The following ABCA4 variants were observed in gnomAD, a reference collection of about 807,000 sequenced individuals.
The protein encoded by ABCA4 is ATP binding cassette subfamily A member 4, also known as retinal-specific phospholipid-transporting ATPase ABCA4.
Under a neutral mutation model 263.7 loss-of-function variants are expected in ABCA4, and 196 were observed. The observed-to-expected ratio is 0.74, with a 90% confidence interval of 0.66 to 0.84. The LOEUF is 0.84. Among genes scored for constraint, ABCA4 ranks in the 40% least tolerant of loss-of-function variants. The pLI is 0.00. For missense variants in ABCA4, 2,792 were observed against 2,855.1 expected, an observed-to-expected ratio of 0.98 and a Z score of 0.50; for synonymous variants, 1,133 against 1,094.2, an observed-to-expected ratio of 1.04 and a Z score of -0.70.
At chr1:94,088,681 G>C (rs1434449934) in intron 6 of ABCA4, among the ~76,000 whole-genome samples, 1 of 152,332 alleles carries the variant, frequency 6.6e-6, no homozygotes, top group East Asian at 1.9e-4. Context: ...TGCTGGGAAT[G>C]AGTGTGGGGT....
At chr1:94,041,738 TG>T (rs1382149718) in intron 22 of ABCA4, among the ~76,000 whole-genome samples, 1 of 152,194 alleles carries the variant, frequency 6.6e-6, no homozygotes, top group Non-Finnish European at 1.5e-5. Flanking sequence ...CATTAAGCTC[TG>T]GATTTATACT....
intron 20 of ABCA4, 57 bp downstream of exon 20, chr1:94,044,556 G>A: frequency 6.2e-7 from 1 of 1,613,800 alleles, no homozygotes; most frequent in South Asian, 1.1e-5. Context: ...AGAGAAGTGT[G>A]CTGGGGGCAG....
At chr1:93,994,812 G>A (rs1412215602) in intron 49 of ABCA4, among the ~76,000 whole-genome samples, 1 of 152,166 alleles carries the variant, frequency 6.6e-6, no homozygotes, top group Admixed American at 6.5e-5. Context: ...AACTGCTGTA[G>A]ATCACAGAAC....
chr1:94,001,265 G>C (rs1376220731), intron 45 of ABCA4, among the ~76,000 whole-genome samples, 160 bp from the exon 46 acceptor site: 1 of 152,218 alleles, frequency 6.6e-6, no homozygotes, highest in Admixed American at 6.5e-5. Context: ...GTGTAGGGTA[G>C]GGAAGGCAGG....
intron 47 of ABCA4, among the ~76,000 whole-genome samples, 188 bp downstream of exon 47, chr1:94,000,648 A>C (rs1241093695): frequency 6.6e-6 from 1 of 152,138 alleles, no homozygotes; most frequent in Non-Finnish European, 1.5e-5. Context: ...AATTAGGCCA[A>C]TATAGAGGAG....
intron 9 of ABCA4, 82 bp from the exon 10 acceptor site, chr1:94,078,788 C>T: frequency 1.0e-6 from 1 of 967,306 alleles, no homozygotes; most frequent in East Asian, 2.4e-5. Context: ...TTTTCTGCCC[C>T]TATCACTTAG....
intron 17 of ABCA4, among the ~76,000 whole-genome samples, chr1:94,050,535 A>C (rs944758101): frequency 6.6e-6 from 1 of 152,164 alleles, no homozygotes; most frequent in Non-Finnish European, 1.5e-5. Context: ...TTTGTGATTC[A>C]CTTTTGAAGG....
At chr1:94,120,612 C>A (rs552014807) in intron 1 of ABCA4, among the ~76,000 whole-genome samples, 12 of 145,808 alleles carry the variant, frequency 8.2e-5, no homozygotes, top group African/African-American at 3.0e-4. Context: ...TTGGCCTGCT[C>A]TTCAGGGCTT....
chr1:94,029,801 GTGAC>G (rs1261415373), intron 29 of ABCA4, among the ~76,000 whole-genome samples, 170 bp from the exon 30 acceptor site: 1 of 152,146 alleles, frequency 6.6e-6, no homozygotes, highest in Non-Finnish European at 1.5e-5. Flanking sequence ...CTAGGGTTTT[GTGAC>G]TGACTAGGTG....
chr1:94,108,557 A>G lies in ABCA4; in HGVS notation c.442+20T>C. 2 of 1,613,056 alleles carry G rather than the reference A, an allele frequency of 1.2e-6. No individual in the cohort carries two copies. Among genetic ancestry groups the G allele is most frequent in the South Asian group, 2.2e-5 (2 of 91,042 alleles). On this transcript the variant is annotated intron_variant, in intron 4 of 49. Transcript: ENST00000370225. ...ATAGGTGAGGGAAATGATGCTTGAGAGCACTGCAGTCATGCTTACCTGCAA... is the reference window on the plus strand; with the variant it reads ...ATAGGTGAGGGAAATGATGCTTGAGGGCACTGCAGTCATGCTTACCTGCAA...
At chr1:94,015,958 G>C in intron 36 of ABCA4, 104 bp from the exon 37 acceptor site, 1 of 966,956 alleles carries the variant, frequency 1.0e-6, no homozygotes, top group Admixed American at 2.0e-5. Flanking sequence ...TAGGGTCTGG[G>C]ATTCTGATTC....
intron 1 of ABCA4, among the ~76,000 whole-genome samples, chr1:94,113,280 G>C (rs1662663476): frequency 6.6e-6 from 1 of 152,072 alleles, no homozygotes; most frequent in Non-Finnish European, 1.5e-5. Flanking sequence ...TGTCCATCTG[G>C]GTTCCACTCT....
chr1:94,091,737 C>G lies in ABCA4; in HGVS notation c.768+7057G>C, dbSNP rs538694895. Among the ~76,000 whole-genome samples the G allele has an allele frequency of 7.2e-5, 11 of 152,294 alleles. No homozygotes were observed. The East Asian group carries it at 2.1e-3, about 29-fold the overall frequency. On this transcript the variant is annotated intron_variant, in intron 6 of 49. Coordinates refer to ENST00000370225, the MANE Select transcript of ABCA4 (RefSeq NM_000350.3). ...AGCCGAAGTTCAAGGTCAGACTAGA[C>G]CTCTAAGGAAGATAAGGCTGTGAAG...
rs561772144 is a variant in ABCA4, at chr1:94,023,417, A to G, written c.4636T>C (p.Leu1546=). 1 of 1,608,730 alleles carries G rather than the reference A, an allele frequency of 6.2e-7. No homozygotes were observed. Among genetic ancestry groups the G allele is most frequent in the African/African-American group, 1.3e-5 (1 of 74,930 alleles). The change falls in exon 32 of 50, where the codon TTA becomes CTA. Residue 1546 remains leucine, a splice_region_variant and synonymous_variant. Transcript: ENST00000370225. ...KTYPALIRSS[L]KSKFWVNEQR... ...TCATTGACCCAGAATTTGCTCTTTAAGCTGAAAGCCAAAATAAAATAATGC... is the reference window on the plus strand; with the variant it reads ...TCATTGACCCAGAATTTGCTCTTTAGGCTGAAAGCCAAAATAAAATAATGC...
At position 94,068,813 on chromosome 1, in the gene ABCA4, T is replaced by C. The variant is rs527922895; in HGVS notation, c.1555-5496A>G. ...GTGGGAAAAGGAGTCAAAGGGCATC[T>C]TTGCTGAATAAAAACACAGTGTCTT... On this transcript the variant is annotated intron_variant, in intron 11 of 49. Transcript: ENST00000370225. Among the ~76,000 whole-genome samples, 11 of 152,320 alleles carry C rather than the reference T, an allele frequency of 7.2e-5. 1 individual carries two copies. In the South Asian group the frequency reaches 2.1e-3, roughly 29 times the overall value.
chr1:94,072,672 G>C (rs12565678), intron 11 of ABCA4, among the ~76,000 whole-genome samples: 2 of 152,112 alleles, frequency 1.3e-5, no homozygotes, highest in Non-Finnish European at 2.9e-5. Flanking sequence ...GCCTGTATGA[G>C]GACCCATTTG....
At chr1:94,076,208 G>A (rs916997601) in intron 11 of ABCA4, among the ~76,000 whole-genome samples, 1 of 152,178 alleles carries the variant, frequency 6.6e-6, no homozygotes, top group African/African-American at 2.4e-5. Flanking sequence ...GAGTACACAG[G>A]GGTGGGTACA....
intron 14 of ABCA4, among the ~76,000 whole-genome samples, chr1:94,057,452 T>C (rs181858917): frequency 6.6e-6 from 1 of 152,180 alleles, no homozygotes; most frequent in East Asian, 1.9e-4. Context: ...AAACCAGGTA[T>C]ATGGAAAACA....
At chr1:94,064,815 G>A (rs1250856036) in intron 11 of ABCA4, among the ~76,000 whole-genome samples, 2 of 152,136 alleles carry the variant, frequency 1.3e-5, no homozygotes, top group African/African-American at 4.8e-5. Flanking sequence ...CCGGACACGT[G>A]CTTTCAGTGC....
Sources: allele counts gnomAD v4.1 joint callset (sites outside exome capture counted in the v4.1 genomes callset), GRCh38; gene constraint gnomAD v4.1.1; transcripts MANE v1.5; gene names NCBI Gene and HGNC (gene_info 2026-07-23, HGNC 2026-07-21).